Variants in JAZF1 observed in about 807,000 individuals in gnomAD.
JAZF1 encodes JAZF zinc finger 1, also known as juxtaposed with another zinc finger protein 1.
JAZF1 carries 8 observed loss-of-function variants against 26.4 expected under a neutral mutation model. The ratio of observed to expected loss-of-function variants is 0.30; its 90% confidence interval spans 0.18 to 0.55. The LOEUF (loss-of-function observed/expected upper bound fraction) is 0.55. Among genes scored for constraint, JAZF1 ranks in the 20% least tolerant of loss-of-function variants. The pLI is 0.94. For missense variants in JAZF1, 199 were observed against 322.0 expected, an observed-to-expected ratio of 0.62 and a Z score of 2.92; for synonymous variants, 126 against 122.3, an observed-to-expected ratio of 1.03 and a Z score of -0.20.
intron 1 of JAZF1, among the ~76,000 whole-genome samples, chr7:28,163,906 T>C (rs66595885): frequency 0.11 from 16,213 of 152,280 alleles, 1,404 homozygotes; most frequent in East Asian, 0.47. Context: ...CACTCACAGC[T>C]CTCCCTCCTC....
chr7:28,076,158 C>T (rs75748762), intron 1 of JAZF1, among the ~76,000 whole-genome samples: 87 of 152,316 alleles, frequency 5.7e-4, no homozygotes, highest in East Asian at 5.4e-3. Flanking sequence ...TGACAGCTTC[C>T]GCTCCCGGCT....
rs11301939 is a variant in JAZF1, at chr7:28,168,380, CAAAAAAAAAA to C, written c.115+12073_115+12082del. On this transcript the variant is annotated intron_variant, in intron 1 of 4. Transcript: ENST00000283928. ...TGGGTGACAGAGCGAGACTCCGTCT[CAAAAAAAAAA>C]AAAAAAAAAAAAAGATGAGTTTCAA... Among the ~76,000 whole-genome samples, 620 of 71,218 alleles carry C rather than the reference CAAAAAAAAAA, an allele frequency of 8.7e-3. 10 individuals carry two copies. Among genetic ancestry groups the C allele is most frequent in the Non-Finnish European group, 0.011 (429 of 38,716 alleles). The allele number at this position is 71,218 out of a possible 152,430, so 46.7% of individuals were successfully genotyped here. A position where few individuals can be genotyped will look rare whatever the true frequency, so the allele number is the denominator to read the frequency against.
chr7:27,913,359 G>A, intron 2 of JAZF1: 1 of 458,294 alleles, frequency 2.2e-6, no homozygotes, highest in South Asian at 1.6e-5. Flanking sequence ...AAGGGAGGAA[G>A]AAAAAAACAA....
intron 1 of JAZF1, among the ~76,000 whole-genome samples, chr7:28,132,910 G>T (rs1782819531): frequency 6.6e-6 from 1 of 152,048 alleles, no homozygotes; most frequent in Non-Finnish European, 1.5e-5. Context: ...TGCTGCTGCT[G>T]CAGTAGCAAC....
intron 1 of JAZF1, among the ~76,000 whole-genome samples, chr7:28,151,278 T>A (rs1418723507): frequency 6.6e-6 from 1 of 151,736 alleles, no homozygotes; most frequent in Non-Finnish European, 1.5e-5. Context: ...TAATTTTTTG[T>A]ATTTTTAGTA....
At position 28,005,086 on chromosome 7, in the gene JAZF1, A is replaced by G. The variant is rs142997225; in HGVS notation, c.116-13105T>C. ...CATGTATTTCGAAAACCAAATCACA[A>G]TCTTTGAATTGTGATATGGTTTTCA... is the stretch of plus-strand genomic sequence containing the variant. On this transcript the variant is annotated intron_variant, in intron 1 of 4. Coordinates refer to ENST00000283928, the MANE Select transcript of JAZF1 (RefSeq NM_175061.4). Among the ~76,000 whole-genome samples, 1,038 of 152,312 alleles carry G rather than the reference A, an allele frequency of 6.8e-3. 4 individuals are homozygous for G. Among genetic ancestry groups the G allele is most frequent in the Non-Finnish European group, 0.012 (849 of 68,024 alleles).
intron 1 of JAZF1, among the ~76,000 whole-genome samples, chr7:28,026,898 C>G (rs1163713438): frequency 1.3e-5 from 2 of 152,242 alleles, no homozygotes; most frequent in African/African-American, 2.4e-5. Flanking sequence ...CAGTTTTCCA[C>G]TGCATCAGGT....
At chr7:28,099,765 C>A (rs567863822) in intron 1 of JAZF1, among the ~76,000 whole-genome samples, 1 of 152,264 alleles carries the variant, frequency 6.6e-6, no homozygotes, top group Admixed American at 6.5e-5. Flanking sequence ...CACGATCCAC[C>A]GCGCCTGGCC....
intron 1 of JAZF1, among the ~76,000 whole-genome samples, chr7:28,179,101 G>A (rs1045815691): frequency 5.3e-5 from 8 of 152,222 alleles, no homozygotes; most frequent in Non-Finnish European, 1.5e-5. Context: ...AGAAACGTGA[G>A]CTGCATCCAC....
chr7:28,140,649 C>T (rs993279304), intron 1 of JAZF1, among the ~76,000 whole-genome samples: 2 of 151,940 alleles, frequency 1.3e-5, no homozygotes, highest in African/African-American at 4.8e-5. Flanking sequence ...TGGTGCTTCC[C>T]AACATTTTCA....
intron 2 of JAZF1, among the ~76,000 whole-genome samples, chr7:27,983,346 T>A (rs945213816): frequency 2.0e-5 from 3 of 152,108 alleles, no homozygotes; most frequent in Non-Finnish European, 2.9e-5. Context: ...AGAAAGGGTA[T>A]CAGTGATTGA....
intron 2 of JAZF1, among the ~76,000 whole-genome samples, chr7:27,962,897 A>G (rs1364511069): frequency 6.6e-6 from 1 of 152,210 alleles, no homozygotes; most frequent in Non-Finnish European, 1.5e-5. Flanking sequence ...AATACACTGC[A>G]AATCTTTTTT....
chr7:28,156,961 A>C (rs1308124362), intron 1 of JAZF1, among the ~76,000 whole-genome samples: 3 of 152,260 alleles, frequency 2.0e-5, no homozygotes, highest in Non-Finnish European at 4.4e-5. Context: ...ACCGGACTCC[A>C]TACTACGTAT....
At chr7:28,138,392 T>C (rs1302895331) in intron 1 of JAZF1, among the ~76,000 whole-genome samples, 3 of 152,216 alleles carry the variant, frequency 2.0e-5, no homozygotes, top group Non-Finnish European at 4.4e-5. Context: ...AGGCAGTTAG[T>C]ATTAAGTTAG....
rs983604313 is a variant in JAZF1, at chr7:27,832,189, T to C, written c.*611A>G. ...CAGCTTTTTAAAGGGCAAAAGGATT[T>C]GCAAGATAATATAAAACACAGAAAG... On this transcript the variant is annotated 3_prime_UTR_variant, in exon 5 of 5. Transcript: ENST00000283928. The C allele has an allele frequency of 1.7e-3, 351 of 211,846 alleles. No individual in the cohort carries two copies. The highest frequency in any genetic ancestry group is 7.3e-3 in the African/African-American group (321 of 44,244). The allele number at this position is 211,846 out of a possible 1,614,324, so 13.1% of individuals were successfully genotyped here.
intron 1 of JAZF1, among the ~76,000 whole-genome samples, chr7:28,085,600 C>T (rs2127918550): frequency 6.6e-6 from 1 of 152,234 alleles, no homozygotes; most frequent in Admixed American, 6.5e-5. Context: ...TTATAAACCC[C>T]TCCAAAAATG....
intron 3 of JAZF1, among the ~76,000 whole-genome samples, chr7:27,893,245 T>C (rs766353325): frequency 2.6e-5 from 4 of 152,184 alleles, no homozygotes; most frequent in Non-Finnish European, 5.9e-5. Flanking sequence ...TTTCCCCAAC[T>C]AGTATTTTGT....
intron 1 of JAZF1, among the ~76,000 whole-genome samples, chr7:28,072,627 C>G (rs112887133): frequency 2.6e-5 from 4 of 152,164 alleles, no homozygotes; most frequent in African/African-American, 9.6e-5. Flanking sequence ...AAAGAAAAAA[C>G]AGAAACCATC....
intron 3 of JAZF1, among the ~76,000 whole-genome samples, chr7:27,871,158 G>C (rs1239821119): frequency 2.6e-5 from 4 of 152,168 alleles, no homozygotes; most frequent in Admixed American, 6.5e-5. Flanking sequence ...GAATAACTTC[G>C]CTGTTCCTCC....
Sources: allele counts gnomAD v4.1 joint callset (sites outside exome capture counted in the v4.1 genomes callset), GRCh38; gene constraint gnomAD v4.1.1; transcripts MANE v1.5; gene names NCBI Gene and HGNC (gene_info 2026-07-23, HGNC 2026-07-21).